The following FFAR4 variants were observed in gnomAD, a reference collection of about 807,000 sequenced individuals.
FFAR4 encodes free fatty acid receptor 4.
In FFAR4, 19 loss-of-function variants were observed where a neutral mutation model predicts 27.0. That is an observed-to-expected ratio of 0.70 (90% CI 0.49 to 1.03). The LOEUF (loss-of-function observed/expected upper bound fraction) is 1.03. Among genes scored for constraint, FFAR4 ranks in the 50% least tolerant of loss-of-function variants. The probability of loss-of-function intolerance (pLI) is 0.00; values close to 1 mark genes in which losing one functional copy is unlikely to be tolerated. For missense variants in FFAR4, 476 were observed against 479.0 expected, an observed-to-expected ratio of 0.99 and a Z score of 0.06; for synonymous variants, 254 against 215.6, an observed-to-expected ratio of 1.18 and a Z score of -1.56.
At chr10:93,582,492 C>T (rs893481734) in intron 2 of FFAR4, among the ~76,000 whole-genome samples, 4 of 145,774 alleles carry the variant, frequency 2.7e-5, no homozygotes, top group African/African-American at 5.2e-5. Flanking sequence ...TGCGGTGAGC[C>T]GAGATCACAC....
Position 93,566,834 on chromosome 10 carries a change from G to A in FFAR4, c.114G>A (p.Val38=), listed in dbSNP as rs139357642. 4,600 of 1,601,242 alleles carry A rather than the reference G, an allele frequency of 2.9e-3. 12 individuals carry two copies. Among genetic ancestry groups the A allele is most frequent in the Non-Finnish European group, 3.5e-3 (4,106 of 1,175,644 alleles). The change falls in exon 1 of 3, where the codon GTG becomes GTA. Residue 38 remains valine (V), a synonymous_variant. Transcript: ENST00000371481. ...ACGTCAAGGGCGACCACCGGCTGGT[G>A]CTGGCCGCGGTGGAGACAACCGTGC... ...FSDVKGDHRL[V]LAAVETTVLV... is the part of the protein sequence containing the mutation.
At chr10:93,569,642 G>A (rs1162670888) in intron 1 of FFAR4, among the ~76,000 whole-genome samples, 2 of 152,002 alleles carry the variant, frequency 1.3e-5, no homozygotes, top group Non-Finnish European at 2.9e-5. Context: ...AGAGGGATTT[G>A]GGCAAAGCCA....
At chr10:93,574,813 C>T (rs780102427) in intron 1 of FFAR4, among the ~76,000 whole-genome samples, 1 of 151,698 alleles carries the variant, frequency 6.6e-6, no homozygotes, top group Admixed American at 6.6e-5. Context: ...GCAGGAGAAT[C>T]GCTTGAACCT....
chr10:93,584,049 A>G (rs2058213894), intron 2 of FFAR4, among the ~76,000 whole-genome samples: 1 of 149,980 alleles, frequency 6.7e-6, no homozygotes, highest in African/African-American at 2.5e-5. Flanking sequence ...GGCGGTACCA[A>G]TTCCTCTGCA....
At chr10:93,579,586 T>A (rs1430384205) in intron 2 of FFAR4, among the ~76,000 whole-genome samples, 1 of 152,254 alleles carries the variant, frequency 6.6e-6, no homozygotes, top group African/African-American at 2.4e-5. Flanking sequence ...TTTATGACAG[T>A]CATCTGTCTT....
At chr10:93,578,428 A>C (rs866366574) in intron 2 of FFAR4, among the ~76,000 whole-genome samples, 7 of 149,640 alleles carry the variant, frequency 4.7e-5, no homozygotes, top group South Asian at 2.1e-4. Context: ...AAAAAAAAAA[A>C]AAAAAAAAAA....
chr10:93,580,022 A>G (rs1013937606), intron 2 of FFAR4, among the ~76,000 whole-genome samples: 1 of 152,208 alleles, frequency 6.6e-6, no homozygotes, highest in Non-Finnish European at 1.5e-5. Flanking sequence ...ACTGTTGCCC[A>G]TTTCCCAGGA....
Position 93,587,658 on chromosome 10 carries a change from T to G in FFAR4, c.*49T>G. 7 of 1,562,670 alleles carry G rather than the reference T, an allele frequency of 4.5e-6. No individual in the cohort carries two copies. The South Asian group carries it at 7.0e-5, about 16-fold the overall frequency. Reference sequence around the variant, plus strand: ...CACACCTGGCGAGCTGTGGCATGCTTTTAAACAGAGTTCATTTCCAGTACC... The same window carrying G: ...CACACCTGGCGAGCTGTGGCATGCTGTTAAACAGAGTTCATTTCCAGTACC... On this transcript the variant is annotated 3_prime_UTR_variant, in exon 3 of 3. Coordinates refer to ENST00000371481, the MANE Select transcript of FFAR4 (RefSeq NM_001195755.2).
At chr10:93,572,464 C>T (rs892771738) in intron 1 of FFAR4, among the ~76,000 whole-genome samples, 36 of 152,048 alleles carry the variant, frequency 2.4e-4, no homozygotes, top group African/African-American at 8.0e-4. Context: ...GTGCTGGAAG[C>T]GTTGGCAGAG....
chr10:93,582,278 C>T (rs1483821084), intron 2 of FFAR4, among the ~76,000 whole-genome samples: 1 of 152,042 alleles, frequency 6.6e-6, no homozygotes, highest in African/African-American at 2.4e-5. Context: ...GGTGCGGTGG[C>T]TCACACCTGT....
intron 1 of FFAR4, among the ~76,000 whole-genome samples, chr10:93,567,991 G>C (rs1253507819): frequency 1.3e-5 from 2 of 152,188 alleles, no homozygotes; most frequent in African/African-American, 4.8e-5. Context: ...ACAGAGGCTG[G>C]ACCGACGAGC....
chr10:93,582,402 G>T (rs2134553469), intron 2 of FFAR4, among the ~76,000 whole-genome samples: 1 of 152,102 alleles, frequency 6.6e-6, no homozygotes, highest in East Asian at 1.9e-4. Context: ...CAATTAGCCA[G>T]GTGTAGTGGT....
chr10:93,575,976 G>A, intron 1 of FFAR4, 115 bp from the exon 2 acceptor site: 3 of 990,026 alleles, frequency 3.0e-6, no homozygotes, highest in South Asian at 1.5e-5. Context: ...TGTCATGCTA[G>A]TTGTGTAACT....
chr10:93,583,859 G>A (rs1011586663), intron 2 of FFAR4, among the ~76,000 whole-genome samples: 1 of 152,242 alleles, frequency 6.6e-6, no homozygotes, highest in Admixed American at 6.5e-5. Context: ...CCATAAATGT[G>A]AGCCTTCATC....
chr10:93,567,028 C>A lies in FFAR4; in HGVS notation c.308C>A (p.Ala103Asp). 1 of 1,611,800 alleles carries A rather than the reference C, an allele frequency of 6.2e-7. No homozygotes were observed. Among genetic ancestry groups the A allele is most frequent in the Non-Finnish European group, 8.5e-7 (1 of 1,179,842 alleles). The change falls in exon 1 of 3, where the codon GCC (alanine) becomes GAC (aspartate). Residue 103 changes from alanine (A) to aspartate (D), a missense_variant. By Grantham distance (126) the Ala-to-Asp change is moderately radical. Coordinates refer to ENST00000371481, the MANE Select transcript of FFAR4 (RefSeq NM_001195755.2). ...PLVLAVRWTE[A>D]WLLGPVACHL... is the part of the protein sequence containing the mutation. ...GTGCTGGCCGTGCGCTGGACTGAGG[C>A]CTGGCTGCTGGGCCCCGTTGCCTGC...
chr10:93,572,654 G>T lies in FFAR4; in HGVS notation c.568-3437G>T, dbSNP rs573898264. On this transcript the variant is annotated intron_variant, in intron 1 of 2. Transcript: ENST00000371481. Reference sequence around the variant, plus strand: ...GGAGGAGGAGGTGGGCAGAAGGCCAGTGCTCAGGTTTCTGGCAGCTTGGAG... The same window carrying T: ...GGAGGAGGAGGTGGGCAGAAGGCCATTGCTCAGGTTTCTGGCAGCTTGGAG... Among the ~76,000 whole-genome samples, 4 of 152,300 alleles carry T rather than the reference G, an allele frequency of 2.6e-5. No homozygotes were observed. In the East Asian group the frequency reaches 7.7e-4, roughly 29 times the overall value.
intron 2 of FFAR4, among the ~76,000 whole-genome samples, chr10:93,582,295 A>T (rs967955311): frequency 6.6e-6 from 1 of 152,022 alleles, no homozygotes; most frequent in South Asian, 2.1e-4. Flanking sequence ...CTGTAATTCC[A>T]GTACTTTGGG....
intron 2 of FFAR4, among the ~76,000 whole-genome samples, chr10:93,581,672 G>A (rs1283960848): frequency 6.6e-6 from 1 of 152,198 alleles, no homozygotes; most frequent in African/African-American, 2.4e-5. Flanking sequence ...TGTTGTCCTA[G>A]ATGAGCAGCT....
chr10:93,584,105 A>G (rs906639959), intron 2 of FFAR4, among the ~76,000 whole-genome samples: 11 of 152,252 alleles, frequency 7.2e-5, no homozygotes, highest in African/African-American at 2.7e-4. Context: ...TCTTAGATCT[A>G]ACAGCCAAGG....
Sources: allele counts gnomAD v4.1 joint callset (sites outside exome capture counted in the v4.1 genomes callset), GRCh38; gene constraint gnomAD v4.1.1; transcripts MANE v1.5; gene names NCBI Gene and HGNC (gene_info 2026-07-23, HGNC 2026-07-21).